ADGRG6: variants seen among roughly 807,000 people sequenced by gnomAD.
ADGRG6 encodes G-protein coupled receptor 126.
Under a neutral mutation model 142.4 loss-of-function variants are expected in ADGRG6, and 84 were observed. That is an observed-to-expected ratio of 0.59 (90% CI 0.49 to 0.71). The LOEUF is 0.71. Ranked by LOEUF, ADGRG6 falls within the 30% of genes least tolerant of loss-of-function variation. ADGRG6 has a pLI of 0.00. For missense variants in ADGRG6, 1,367 were observed against 1,466.6 expected, an observed-to-expected ratio of 0.93 and a Z score of 1.11; for synonymous variants, 521 against 520.5, an observed-to-expected ratio of 1.00 and a Z score of -0.01.
At chr6:142,421,539 A>G (rs1407822824) in intron 22 of ADGRG6, among the ~76,000 whole-genome samples, 1 of 152,198 alleles carries the variant, frequency 6.6e-6, no homozygotes, top group East Asian at 1.9e-4. Flanking sequence ...AATATTGACA[A>G]AAGTATCCAT....
chr6:142,410,961 T>A (rs1776050188), intron 17 of ADGRG6, among the ~76,000 whole-genome samples: 1 of 148,668 alleles, frequency 6.7e-6, no homozygotes, highest in Non-Finnish European at 1.5e-5. Flanking sequence ...TCAGAAAAAA[T>A]TGTTGGTTCA....
intron 6 of ADGRG6, among the ~76,000 whole-genome samples, chr6:142,388,324 A>T (rs1319582232): frequency 1.3e-5 from 2 of 152,182 alleles, no homozygotes; most frequent in Non-Finnish European, 2.9e-5. Flanking sequence ...AAATTCAGAA[A>T]TGTCAATGAT....
chr6:142,386,379 A>ATT (rs1408252602), intron 6 of ADGRG6, among the ~76,000 whole-genome samples: 1 of 152,212 alleles, frequency 6.6e-6, no homozygotes, highest in Non-Finnish European at 1.5e-5. Context: ...CTTCCAAATA[A>ATT]AGGCCGAAAC....
At chr6:142,309,423 G>A in intron 1 of ADGRG6, 121 bp from the exon 2 acceptor site, 1 of 579,064 alleles carries the variant, frequency 1.7e-6, no homozygotes, top group Non-Finnish European at 3.0e-6. Context: ...CCTCTATTTG[G>A]AAGCAAGGAT....
chr6:142,437,603 T>C lies in ADGRG6; in HGVS notation c.3421+68T>C, dbSNP rs1777547140. 3 of 805,020 alleles carry C rather than the reference T, an allele frequency of 3.7e-6. No homozygotes were observed. The African/African-American group carries it at 5.0e-5, about 14-fold the overall frequency. The allele number at this position is 805,020 out of a possible 1,614,324, so 49.9% of individuals were successfully genotyped here. A position where few individuals can be genotyped will look rare whatever the true frequency, so the allele number is the denominator to read the frequency against. ...GAAAGTTTGTCATTCAGTCTTTCAT[T>C]GTCAGAGCAACCCAGTCCCAGTGGT... On this transcript the variant is annotated intron_variant, in intron 23 of 24. Transcript: ENST00000367609.
At chr6:142,302,371 T>C (rs1582943779) in intron 1 of ADGRG6, 40 bp downstream of exon 1, 1 of 1,608,936 alleles carries the variant, frequency 6.2e-7, no homozygotes, top group Non-Finnish European at 8.5e-7. Flanking sequence ...TTCACTCTTT[T>C]ATCTGTGTCC....
At chr6:142,385,492 TG>T (rs1313111913) in intron 6 of ADGRG6, among the ~76,000 whole-genome samples, 21 of 152,212 alleles carry the variant, frequency 1.4e-4, no homozygotes, top group Non-Finnish European at 2.9e-4. Flanking sequence ...CTATTTACTA[TG>T]TTTTTTTTCC....
At chr6:142,303,106 T>G (rs970965460) in intron 1 of ADGRG6, among the ~76,000 whole-genome samples, 2 of 152,234 alleles carry the variant, frequency 1.3e-5, no homozygotes, top group Non-Finnish European at 2.9e-5. Context: ...AGGGCCAAGC[T>G]TATTTTTGTG....
intron 15 of ADGRG6, among the ~76,000 whole-genome samples, chr6:142,406,190 G>T (rs1583104813): frequency 6.7e-6 from 1 of 148,198 alleles, no homozygotes; most frequent in Non-Finnish European, 1.5e-5. Flanking sequence ...AAAGGAAAGG[G>T]TTTTTTTTTT....
chr6:142,375,369 G>A (rs766481845), intron 4 of ADGRG6, among the ~76,000 whole-genome samples: 1 of 152,128 alleles, frequency 6.6e-6, no homozygotes, highest in Non-Finnish European at 1.5e-5. Flanking sequence ...CCAAGTTGAC[G>A]TTAAACACTC....
rs145304917 is a variant in ADGRG6, at chr6:142,370,724, G to A, written c.1000G>A (p.Val334Ile). The change falls in exon 4 of 25, where the codon GTC becomes ATC. Residue 334 changes from valine to isoleucine, a missense_variant. Physicochemically the swap from Val to Ile is conservative, Grantham distance 29 (BLOSUM62 3). Coordinates refer to ENST00000367609, the MANE Select transcript of ADGRG6 (RefSeq NM_198569.3). ...CAGCTGTAATGTGAAAGGGAATGTA[G>A]TCGACTGGCAAAATGACTTCTGGAA... ...NLSCNVKGNVVDWQNDFWNIP... is the reference protein window; with the variant it reads ...NLSCNVKGNVIDWQNDFWNIP... 85 of 1,613,540 alleles carry A rather than the reference G, an allele frequency of 5.3e-5. No homozygotes were observed. In the East Asian group the frequency reaches 1.6e-3, roughly 30 times the overall value.
chr6:142,323,119 ATT>A (rs35025773), intron 2 of ADGRG6, among the ~76,000 whole-genome samples: 22,152 of 142,890 alleles, frequency 0.16, 1,656 homozygotes, highest in Non-Finnish European at 0.17. Context: ...AATGTCACTT[ATT>A]TTTTTTTTTT....
intron 2 of ADGRG6, among the ~76,000 whole-genome samples, chr6:142,340,683 G>C (rs1043048099): frequency 3.3e-5 from 5 of 152,076 alleles, no homozygotes; most frequent in African/African-American, 1.2e-4. Context: ...TTTTCTGAGA[G>C]AGACATTCTT....
chr6:142,350,635 G>C (rs912938241), intron 2 of ADGRG6, among the ~76,000 whole-genome samples: 1 of 152,142 alleles, frequency 6.6e-6, no homozygotes, highest in East Asian at 1.9e-4. Flanking sequence ...AAAGTGACTA[G>C]AGTGAGACAG....
At chr6:142,328,770 G>A (rs530877298) in intron 2 of ADGRG6, among the ~76,000 whole-genome samples, 8 of 152,252 alleles carry the variant, frequency 5.3e-5, no homozygotes, top group African/African-American at 1.2e-4. Context: ...GTCTGGGGTA[G>A]CGCTCATTGA....
At chr6:142,327,738 T>G (rs751936906) in intron 2 of ADGRG6, among the ~76,000 whole-genome samples, 3 of 152,120 alleles carry the variant, frequency 2.0e-5, no homozygotes, top group Admixed American at 6.6e-5. Flanking sequence ...ACTCCTCCAC[T>G]TTTTTACAAA....
rs117345513 is a variant in ADGRG6 at position 142,380,789 on chromosome 6, G to A, written c.1070-1162G>A. Among the ~76,000 whole-genome samples the A allele has an allele frequency of 4.4e-3, 664 of 152,256 alleles. 2 individuals carry two copies. The highest frequency in any genetic ancestry group is 6.8e-3 in the Middle Eastern group (2 of 294). ...CCACCTTCGGAGCACTTCCCTAATA[G>A]CACTTAGAACTGTGACGCCATCTCC... On this transcript the variant is annotated intron_variant, in intron 4 of 24. Coordinates refer to ENST00000367609, the MANE Select transcript of ADGRG6 (RefSeq NM_198569.3).
chr6:142,382,447 G>A (rs1203385525), intron 5 of ADGRG6, among the ~76,000 whole-genome samples: 1 of 152,016 alleles, frequency 6.6e-6, no homozygotes, highest in Non-Finnish European at 1.5e-5. Flanking sequence ...AGGCCATGAG[G>A]CAATTTATGA....
chr6:142,335,255 T>G (rs571100574), intron 2 of ADGRG6, among the ~76,000 whole-genome samples: 2 of 152,312 alleles, frequency 1.3e-5, no homozygotes, highest in South Asian at 4.1e-4. Flanking sequence ...TTGATGGTTT[T>G]GTTGTTTTTG....
Sources: allele counts gnomAD v4.1 joint callset (sites outside exome capture counted in the v4.1 genomes callset), GRCh38; gene constraint gnomAD v4.1.1; transcripts MANE v1.5; gene names NCBI Gene and HGNC (gene_info 2026-07-23, HGNC 2026-07-21).